Variants in ZFYVE9 observed in about 807,000 individuals in gnomAD.
The protein encoded by ZFYVE9 is zinc finger FYVE domain-containing protein 9.
ZFYVE9 carries 43 observed loss-of-function variants against 126.7 expected under a neutral mutation model. The observed-to-expected ratio is 0.34, with a 90% CI of 0.27 to 0.44. The LOEUF is 0.44. Ranked by LOEUF, ZFYVE9 falls within the 20% of genes least tolerant of loss-of-function variation. ZFYVE9 has a pLI of 1.00. For synonymous variants in ZFYVE9, 521 were observed against 597.4 expected (o/e 0.87, Z 1.87); for missense variants, 1,476 against 1,697.0 (o/e 0.87, Z 2.29).
At chr1:52,222,461 G>A (rs970375502) in intron 2 of ZFYVE9, among the ~76,000 whole-genome samples, 12 of 152,292 alleles carry the variant, frequency 7.9e-5, no homozygotes, top group Admixed American at 2.0e-4. Flanking sequence ...ACTGACAATG[G>A]TGTAAGGATT....
intron 2 of ZFYVE9, among the ~76,000 whole-genome samples, chr1:52,228,290 G>A (rs551358769): frequency 1.2e-3 from 178 of 152,208 alleles, no homozygotes; most frequent in African/African-American, 4.2e-3. Context: ...ATGTTGTCCA[G>A]GCTGATCTCA....
intron 1 of ZFYVE9, among the ~76,000 whole-genome samples, chr1:52,202,696 A>T (rs1444371261): frequency 2.0e-5 from 3 of 151,294 alleles, no homozygotes; most frequent in Non-Finnish European, 4.4e-5. Context: ...TCATTTATTT[A>T]TTTTTTTGAG....
intron 1 of ZFYVE9, among the ~76,000 whole-genome samples, chr1:52,149,631 C>G (rs1644335916): frequency 6.6e-6 from 1 of 152,102 alleles, no homozygotes; most frequent in African/African-American, 2.4e-5. Flanking sequence ...GTTACTCATT[C>G]AAGGTATGCC....
chr1:52,227,352 T>G (rs1645180002), intron 2 of ZFYVE9, among the ~76,000 whole-genome samples: 1 of 66,968 alleles, frequency 1.5e-5, no homozygotes, highest in Non-Finnish European at 2.7e-5. Context: ...CAAAATCTCA[T>G]CCTTCAGGCG....
At chr1:52,177,704 A>G (rs867099518) in intron 1 of ZFYVE9, among the ~76,000 whole-genome samples, 104 of 152,326 alleles carry the variant, frequency 6.8e-4, no homozygotes, top group African/African-American at 2.3e-3. Context: ...TTTAGTATTG[A>G]AAAATTAACA....
At chr1:52,200,995 G>C (rs190982691) in intron 1 of ZFYVE9, among the ~76,000 whole-genome samples, 11 of 152,098 alleles carry the variant, frequency 7.2e-5, no homozygotes, top group African/African-American at 2.2e-4. Flanking sequence ...TAAATTTTAG[G>C]ATCAATTTGT....
At chr1:52,183,461 C>T (rs1644733600) in intron 1 of ZFYVE9, among the ~76,000 whole-genome samples, 1 of 152,098 alleles carries the variant, frequency 6.6e-6, no homozygotes, top group Admixed American at 6.6e-5. Flanking sequence ...TGTGTTTGTA[C>T]TTTTGCCTTT....
chr1:52,270,755 G>A (rs1017900748), intron 7 of ZFYVE9, among the ~76,000 whole-genome samples: 2 of 149,354 alleles, frequency 1.3e-5, no homozygotes, highest in African/African-American at 4.9e-5. Context: ...TTAAGTATTT[G>A]GGCCATGTTT....
At chr1:52,282,483 CATA>C (rs1364138181) in intron 10 of ZFYVE9, among the ~76,000 whole-genome samples, 11 of 152,112 alleles carry the variant, frequency 7.2e-5, no homozygotes, top group Non-Finnish European at 1.5e-4. Context: ...GAAGTCAGTA[CATA>C]ATATCTGTAT....
chr1:52,198,124 G>GT lies in ZFYVE9; in HGVS notation c.-142-18230dup, dbSNP rs34521113. 8.5e-3 allele frequency among the ~76,000 whole-genome samples: 1,087 copies of GT among 128,174 alleles called. 63 individuals are homozygous for GT. Among genetic ancestry groups the GT allele is most frequent in the Non-Finnish European group, 0.012 (752 of 64,266 alleles). The allele number at this position is 128,174 out of a possible 152,430, so 84.1% of individuals were successfully genotyped here. On this transcript the variant is annotated intron_variant, in intron 1 of 18. Coordinates refer to ENST00000287727, the MANE Select transcript of ZFYVE9 (RefSeq NM_004799.4). ...AATATTGTAGTGTTTTTTTTTGTTT[G>GT]TTTTTTTTTTTTTTTGAGATGGAGT...
chr1:52,293,789 T>G, intron 11 of ZFYVE9, 112 bp downstream of exon 11: 2 of 1,087,956 alleles, frequency 1.8e-6, no homozygotes, highest in Non-Finnish European at 2.6e-6. Flanking sequence ...TTGAAATAGC[T>G]AAACTAAATT....
intron 4 of ZFYVE9, among the ~76,000 whole-genome samples, chr1:52,251,091 A>G (rs1322787505): frequency 6.7e-6 from 1 of 149,990 alleles, no homozygotes; most frequent in Non-Finnish European, 1.5e-5. Context: ...TTCTTTTTTG[A>G]GATGGAGTCT....
intron 4 of ZFYVE9, among the ~76,000 whole-genome samples, chr1:52,247,295 G>GT (rs1478322015): frequency 6.6e-6 from 1 of 151,890 alleles, no homozygotes; most frequent in Non-Finnish European, 1.5e-5. Flanking sequence ...GCTATTTTTT[G>GT]TTTTTTTGCA....
intron 1 of ZFYVE9, among the ~76,000 whole-genome samples, chr1:52,148,224 C>T (rs1481862918): frequency 6.6e-6 from 1 of 152,042 alleles, no homozygotes; most frequent in African/African-American, 2.4e-5. Flanking sequence ...CCTGTAATCC[C>T]AGCACTTTGG....
At chr1:52,149,652 G>A (rs948232346) in intron 1 of ZFYVE9, among the ~76,000 whole-genome samples, 1 of 152,050 alleles carries the variant, frequency 6.6e-6, no homozygotes, top group Non-Finnish European at 1.5e-5. Flanking sequence ...CTGCCACCAC[G>A]CGTGGCTAAT....
intron 1 of ZFYVE9, among the ~76,000 whole-genome samples, chr1:52,199,152 G>A (rs1454544035): frequency 4.0e-5 from 6 of 150,952 alleles, no homozygotes; most frequent in African/African-American, 1.2e-4. Context: ...TGCAAGCTCC[G>A]CCTCCCGGGT....
intron 5 of ZFYVE9, among the ~76,000 whole-genome samples, chr1:52,266,368 A>G (rs1645633203): frequency 7.2e-6 from 1 of 138,444 alleles, no homozygotes; most frequent in Admixed American, 7.8e-5. Flanking sequence ...AAGTGCCGGG[A>G]TTAGAAGCAT....
chr1:52,278,184 T>C (rs1314389646), intron 8 of ZFYVE9, among the ~76,000 whole-genome samples: 1 of 150,102 alleles, frequency 6.7e-6, no homozygotes, highest in African/African-American at 2.4e-5. Context: ...ATTCTTGTTA[T>C]AATAGTTGGA....
intron 1 of ZFYVE9, among the ~76,000 whole-genome samples, chr1:52,171,379 T>G (rs574839070): frequency 4.5e-4 from 68 of 152,334 alleles, no homozygotes; most frequent in African/African-American, 1.3e-3. Flanking sequence ...TGTGCCACAT[T>G]TTCTTAATCC....
Sources: gnomAD v4.1 joint callset for allele counts (sites outside exome capture counted in the v4.1 genomes callset) on GRCh38, gnomAD v4.1.1 for gene constraint, MANE v1.5 for transcripts, NCBI Gene and HGNC (gene_info 2026-07-23, HGNC 2026-07-21) for gene names.